Variants in MTBP observed in about 807,000 individuals in gnomAD.
The protein encoded by MTBP is mdm2-binding protein.
In MTBP, 101 loss-of-function variants were observed where a neutral mutation model predicts 117.0. The ratio of observed to expected loss-of-function variants is 0.86; its 90% confidence interval spans 0.73 to 1.02. The LOEUF is 1.02. Ranked by LOEUF, MTBP falls within the 50% of genes least tolerant of loss-of-function variation. MTBP has a pLI of 0.00. For synonymous variants in MTBP, 350 were observed against 351.5 expected, an observed-to-expected ratio of 1.00 and a Z score of 0.05; for missense variants, 970 against 1,030.9, an observed-to-expected ratio of 0.94 and a Z score of 0.81.
intron 19 of MTBP, 132 bp downstream of exon 19, chr8:120,518,232 G>A: frequency 2.0e-6 from 2 of 1,007,454 alleles, no homozygotes; most frequent in South Asian, 1.8e-5. Context: ...GTGTAAGAAG[G>A]ATGATAGGAA....
chr8:120,460,103 T>C (rs558658408), intron 8 of MTBP, among the ~76,000 whole-genome samples: 200 of 152,270 alleles, frequency 1.3e-3, no homozygotes, highest in Non-Finnish European at 2.6e-3. Context: ...TATTTTCTAA[T>C]CAAAGGGTGG....
At chr8:120,449,526 C>CA (rs1188538996) in intron 2 of MTBP, among the ~76,000 whole-genome samples, 4 of 151,836 alleles carry the variant, frequency 2.6e-5, no homozygotes, top group Non-Finnish European at 4.4e-5. Context: ...AAAATAATGG[C>CA]AAAAAAACCC....
chr8:120,522,326 G>A (rs1478887848), intron 20 of MTBP, among the ~76,000 whole-genome samples: 4 of 135,114 alleles, frequency 3.0e-5, no homozygotes, highest in African/African-American at 1.1e-4. Flanking sequence ...GGATGCTCAC[G>A]GTGGAGGATG....
chr8:120,470,898 T>C lies in MTBP; in HGVS notation c.1126T>C (p.Trp376Arg). 6.2e-7 allele frequency: 1 copy of C among 1,610,562 alleles called. No individual in the cohort carries two copies. Among genetic ancestry groups the C allele is most frequent in the Non-Finnish European group, 8.5e-7 (1 of 1,177,470 alleles). ...TCCCAACCAACTCAGTTCAAGAAAA[T>C]GGAAGGAATATATAGCTAAAAAGCC... Reference protein sequence around the residue: ...PPPNQLSSRKWKEYIAKKPKT... With the variant: ...PPPNQLSSRKRKEYIAKKPKT... Residue 376 changes from tryptophan to arginine, a missense_variant, in exon 11 of 22, where the codon TGG (tryptophan) becomes CGG (arginine). Trp to Arg is a moderately radical substitution (Grantham distance 101). Transcript: ENST00000305949.
At chr8:120,480,425 GA>G (rs1814053926) in intron 11 of MTBP, among the ~76,000 whole-genome samples, 1 of 151,760 alleles carries the variant, frequency 6.6e-6, no homozygotes, top group Non-Finnish European at 1.5e-5. Flanking sequence ...AAAAAGAAAA[GA>G]AATTGACAAA....
chr8:120,523,292 C>G lies in MTBP; in HGVS notation c.2677-6C>G, dbSNP rs1815035336. ...TCTTCTGTAATCATATTTTTTCTCC[C>G]CCTAGGTGATTGACTGGGTATTAGA... On this transcript the variant is annotated splice_region_variant and splice_polypyrimidine_tract_variant and intron_variant, in intron 21 of 21. Coordinates refer to ENST00000305949, the MANE Select transcript of MTBP (RefSeq NM_022045.5). 1.9e-6 allele frequency: 3 copies of G among 1,539,540 alleles called. No individual in the cohort carries two copies. The highest frequency in any genetic ancestry group is 1.8e-6 in the Non-Finnish European group (2 of 1,131,440).
chr8:120,460,957 C>T (rs1813570308), intron 8 of MTBP, among the ~76,000 whole-genome samples: 1 of 152,126 alleles, frequency 6.6e-6, no homozygotes, highest in Admixed American at 6.5e-5. Flanking sequence ...ACTAAGTGAT[C>T]TCCATGTCTG....
At chr8:120,506,023 A>G (rs1814678954) in intron 15 of MTBP, among the ~76,000 whole-genome samples, 1 of 152,180 alleles carries the variant, frequency 6.6e-6, no homozygotes, top group African/African-American at 2.4e-5. Context: ...TTCACTTTAC[A>G]AAGTACTTAT....
At chr8:120,453,010 G>GA (rs1391297678) in intron 4 of MTBP, among the ~76,000 whole-genome samples, 1 of 151,908 alleles carries the variant, frequency 6.6e-6, no homozygotes, top group African/African-American at 2.4e-5. Flanking sequence ...ACTTTTTTGA[G>GA]AAAAAAATTG....
At chr8:120,490,619 T>C in intron 13 of MTBP, 49 bp downstream of exon 13, 1 of 1,227,778 alleles carries the variant, frequency 8.1e-7, no homozygotes, top group Non-Finnish European at 1.2e-6. Flanking sequence ...TGTTGACTTG[T>C]TTGGACATAA....
At chr8:120,466,799 A>G (rs947561726) in intron 10 of MTBP, among the ~76,000 whole-genome samples, 1 of 152,052 alleles carries the variant, frequency 6.6e-6, no homozygotes, top group African/African-American at 2.4e-5. Context: ...ACTTGTACCC[A>G]GGAGGTGGAG....
intron 13 of MTBP, among the ~76,000 whole-genome samples, chr8:120,496,278 A>T (rs1814455709): frequency 6.6e-6 from 1 of 152,188 alleles, no homozygotes; most frequent in South Asian, 2.1e-4. Context: ...GGAAGAGGGG[A>T]GCTGAAAGTG....
chr8:120,456,635 T>G lies in MTBP; in HGVS notation c.712T>G (p.Leu238Val). 6.3e-7 allele frequency: 1 copy of G among 1,598,076 alleles called. No homozygotes were observed. Among genetic ancestry groups the G allele is most frequent in the Non-Finnish European group, 8.6e-7 (1 of 1,169,086 alleles). The change falls in exon 7 of 22, where the codon TTA becomes GTA. Residue 238 changes from leucine to valine, a missense_variant. Leu to Val is a conservative substitution (Grantham distance 32). Coordinates refer to ENST00000305949, the MANE Select transcript of MTBP (RefSeq NM_022045.5). ...DLRNVIDSKE[L>V]WRGKIQIWER... ...CAGAAATGTTATTGACTCAAAGGAA[T>G]TATGGAGGGGGAAAATACAGATATG... is the stretch of plus-strand genomic sequence containing the variant.
chr8:120,518,874 T>A, intron 20 of MTBP, 57 bp downstream of exon 20: 1 of 1,222,784 alleles, frequency 8.2e-7, no homozygotes, highest in Non-Finnish European at 1.2e-6. Flanking sequence ...TGTTCCTGTT[T>A]GACATAAAAA....
chr8:120,462,832 A>C (rs1331983299), intron 9 of MTBP, among the ~76,000 whole-genome samples: 3 of 152,178 alleles, frequency 2.0e-5, no homozygotes, highest in African/African-American at 7.2e-5. Context: ...CTGCAACCAG[A>C]GCAGCACCTG....
At chr8:120,482,133 GGTTT>G in intron 11 of MTBP, among the ~76,000 whole-genome samples, 2 of 152,178 alleles carry the variant, frequency 1.3e-5, no homozygotes, top group Middle Eastern at 6.8e-3. Flanking sequence ...GGGTGTCAGT[GGTTT>G]GTTAGAGCAT....
At chr8:120,503,443 T>C (rs566647974) in intron 15 of MTBP, among the ~76,000 whole-genome samples, 1 of 152,172 alleles carries the variant, frequency 6.6e-6, no homozygotes, top group South Asian at 2.1e-4. Flanking sequence ...AAAATTTTAT[T>C]TGTTGTGGGG....
chr8:120,463,801 T>C lies in MTBP; in HGVS notation c.1047+40T>C. 3.2e-6 allele frequency: 5 copies of C among 1,555,466 alleles called. No homozygotes were observed. The South Asian group carries it at 5.7e-5, about 18-fold the overall frequency. ...TTGGGGGTTTTTTGTTTGTTTGTTT[T>C]TATACTTGCCATTTAAGGATGTGTA... On this transcript the variant is annotated intron_variant, in intron 10 of 21. Transcript: ENST00000305949.
chr8:120,471,703 A>T (rs1430655651), intron 11 of MTBP: 1 of 152,064 alleles, frequency 6.6e-6, no homozygotes, highest in Non-Finnish European at 1.5e-5. Flanking sequence ...AACCCCATAT[A>T]CTTATTTTTA....
Sources: allele counts gnomAD v4.1 joint callset (sites outside exome capture counted in the v4.1 genomes callset), GRCh38; gene constraint gnomAD v4.1.1; transcripts MANE v1.5; gene names NCBI Gene and HGNC (gene_info 2026-07-23, HGNC 2026-07-21).